Variants in SV2C observed in about 807,000 individuals in gnomAD.
SV2C encodes the protein solute carrier family 22 member B3.
In SV2C, 49 loss-of-function variants were observed where a neutral mutation model predicts 79.7. The observed-to-expected ratio is 0.61, with a 90% CI of 0.49 to 0.78. SV2C has a LOEUF of 0.78. Ranked by LOEUF, SV2C falls within the 30% of genes least tolerant of loss-of-function variation. The pLI is 0.00. For synonymous variants in SV2C, 334 were observed against 333.2 expected (o/e 1.00, Z -0.03); for missense variants, 833 against 912.9 (o/e 0.91, Z 1.13).
chr5:76,348,853 A>T (rs1475105417), intron 12 of SV2C, among the ~76,000 whole-genome samples: 1 of 152,100 alleles, frequency 6.6e-6, no homozygotes. Context: ...ACAAAAAATT[A>T]TCTGGGCGTG....
At chr5:76,116,081 C>T (rs1748255472) in intron 1 of SV2C, among the ~76,000 whole-genome samples, 1 of 152,208 alleles carries the variant, frequency 6.6e-6, no homozygotes. Context: ...ACCCTATAAC[C>T]CTGCACCATC....
chr5:76,121,020 C>A (rs1748474762), intron 1 of SV2C, among the ~76,000 whole-genome samples: 1 of 150,992 alleles, frequency 6.6e-6, no homozygotes, highest in Non-Finnish European at 1.5e-5. Context: ...CACATCCTCT[C>A]CAGCACCTGT....
the SV2C span, among the ~76,000 whole-genome samples, chr5:75,999,366 G>A: frequency 1.6e-5 from 2 of 122,748 alleles, no homozygotes; most frequent in Non-Finnish European, 3.4e-5. Flanking sequence ...GGGGAGGGAG[G>A]GAGGGAGAAA....
chr5:75,984,481 AG>A, the SV2C span, among the ~76,000 whole-genome samples: 1 of 152,102 alleles, frequency 6.6e-6, no homozygotes, highest in Non-Finnish European at 1.5e-5. Flanking sequence ...TCAGAGAGGT[AG>A]TAATTTACCC....
chr5:75,969,649 A>G, the SV2C span, among the ~76,000 whole-genome samples: 4 of 152,228 alleles, frequency 2.6e-5, no homozygotes, highest in Non-Finnish European at 4.4e-5. Context: ...TGCACCCAAT[A>G]CAGGAGCACC....
chr5:75,989,252 T>G, the SV2C span, among the ~76,000 whole-genome samples: 1 of 151,858 alleles, frequency 6.6e-6, no homozygotes, highest in African/African-American at 2.4e-5. Context: ...TCTCATCACC[T>G]AGGTATTAAG....
upstream of SV2C, among the ~76,000 whole-genome samples, chr5:76,080,261 A>G (rs1180469479): frequency 6.6e-6 from 1 of 152,184 alleles, no homozygotes; most frequent in Non-Finnish European, 1.5e-5. Flanking sequence ...GACAAAAAAT[A>G]GTTTTGAGTG....
chr5:76,281,184 A>C (rs1042769356), intron 4 of SV2C: 1 of 535,778 alleles, frequency 1.9e-6, no homozygotes. Flanking sequence ...AAATCCTTAA[A>C]AAAAGTAAGC....
At chr5:76,122,708 G>A (rs1332106918) in intron 1 of SV2C, among the ~76,000 whole-genome samples, 1 of 151,496 alleles carries the variant, frequency 6.6e-6, no homozygotes, top group African/African-American at 2.4e-5. Context: ...AGAATCTCTG[G>A]GACACATTCA....
intron 1 of SV2C, among the ~76,000 whole-genome samples, chr5:76,131,217 G>A (rs1299551433): frequency 6.6e-6 from 1 of 152,160 alleles, no homozygotes; most frequent in African/African-American, 2.4e-5. Flanking sequence ...AATAGGCCCA[G>A]TAGGATTCTT....
intron 2 of SV2C, among the ~76,000 whole-genome samples, chr5:76,185,368 C>A (rs1743881428): frequency 2.0e-5 from 3 of 152,244 alleles, no homozygotes; most frequent in Admixed American, 2.0e-4. Context: ...TAGGCAGTGC[C>A]ACAGTGGGGA....
chr5:75,975,088 T>C, the SV2C span, among the ~76,000 whole-genome samples: 1 of 152,146 alleles, frequency 6.6e-6, no homozygotes, highest in Non-Finnish European at 1.5e-5. Context: ...TAAGGGTCAT[T>C]CCACTAGAAA....
At chr5:76,101,109 G>A (rs1747727972) in intron 1 of SV2C, among the ~76,000 whole-genome samples, 1 of 152,086 alleles carries the variant, frequency 6.6e-6, no homozygotes, top group African/African-American at 2.4e-5. Flanking sequence ...TTGTGAATGG[G>A]GGTGCAGAGG....
intron 1 of SV2C, among the ~76,000 whole-genome samples, chr5:76,127,651 T>G (rs1026396625): frequency 6.6e-6 from 1 of 152,236 alleles, no homozygotes; most frequent in African/African-American, 2.4e-5. Flanking sequence ...GGCTTCAGTG[T>G]GCCTTTGCCT....
At chr5:76,208,658 C>T (rs1580354646) in intron 3 of SV2C, among the ~76,000 whole-genome samples, 1 of 152,192 alleles carries the variant, frequency 6.6e-6, no homozygotes, top group Non-Finnish European at 1.5e-5. Flanking sequence ...TAGTCCTTGA[C>T]ATCAAATTTG....
chr5:75,993,872 G>A, the SV2C span, among the ~76,000 whole-genome samples: 5 of 152,016 alleles, frequency 3.3e-5, no homozygotes, highest in African/African-American at 9.7e-5. Context: ...ATGGGTTCAG[G>A]CACATCTTTC....
chr5:76,030,284 T>A, the SV2C span, among the ~76,000 whole-genome samples: 1 of 124,028 alleles, frequency 8.1e-6, no homozygotes, highest in African/African-American at 3.1e-5. Context: ...TTTTTTTTTT[T>A]TTTTTTTTAT....
In SV2C at chr5:76,346,177, A is replaced by G. The variant is rs543169141; in HGVS notation, c.2001-6953A>G. Among the ~76,000 whole-genome samples the G allele has an allele frequency of 5.1e-4, 78 of 152,292 alleles. 1 individual carries two copies. The highest frequency in any genetic ancestry group is 9.3e-4 in the Non-Finnish European group (63 of 68,026). On this transcript the variant is annotated intron_variant, in intron 12 of 12. Transcript: ENST00000322285. ...AATCCTATCATTCTATAGTATTTCC[A>G]CCATACAGATACAATAGGTGTAAAT... is the stretch of plus-strand genomic sequence containing the variant.
At chr5:76,063,092 A>G in the SV2C span, among the ~76,000 whole-genome samples, 120 of 152,294 alleles carry the variant, frequency 7.9e-4, no homozygotes, top group African/African-American at 2.6e-3. Context: ...ACTGGAAGAT[A>G]AAATTAGTTT....
Sources: gnomAD v4.1 joint callset for allele counts (sites outside exome capture counted in the v4.1 genomes callset) on GRCh38, gnomAD v4.1.1 for gene constraint, MANE v1.5 for transcripts, NCBI Gene and HGNC (gene_info 2026-07-23, HGNC 2026-07-21) for gene names.